The following CFAP43 variants were observed in gnomAD, a reference collection of about 807,000 sequenced individuals.
CFAP43 encodes the protein cilia- and flagella-associated protein 43.
A neutral mutation model predicts 218.9 loss-of-function variants in CFAP43; 155 were observed. That is an observed-to-expected ratio of 0.71 (90% CI 0.62 to 0.81). The LOEUF (loss-of-function observed/expected upper bound fraction) is 0.81, where lower values mean the gene tolerates loss of function less well. CFAP43 is among the 30% of genes least tolerant of loss of function. The pLI, the probability that CFAP43 is intolerant of heterozygous loss-of-function variation, is 0.00. For synonymous variants in CFAP43, 645 were observed against 681.3 expected, an observed-to-expected ratio of 0.95 and a Z score of 0.83; for missense variants, 1,778 against 1,954.3, an observed-to-expected ratio of 0.91 and a Z score of 1.70.
At position 104,143,361 on chromosome 10, in the gene CFAP43, C is replaced by T. The variant is rs975049387; in HGVS notation, c.4158+65G>A. 2.1e-6 allele frequency: 3 copies of T among 1,403,932 alleles called. No individual in the cohort carries two copies. In the African/African-American group the frequency reaches 4.4e-5, roughly 20 times the overall value. The allele number at this position is 1,403,932 out of a possible 1,614,324, so 87.0% of individuals were successfully genotyped here. On this transcript the variant is annotated intron_variant, in intron 32 of 37. Transcript: ENST00000357060. ...TAATTAGCTTTTTTGGTTACACTGACCAATGTAAACTATGTATTTGATATT... is the reference window on the plus strand; with the variant it reads ...TAATTAGCTTTTTTGGTTACACTGATCAATGTAAACTATGTATTTGATATT...
At chr10:104,174,813 T>C (rs775514007) in intron 19 of CFAP43, among the ~76,000 whole-genome samples, 1 of 151,956 alleles carries the variant, frequency 6.6e-6, no homozygotes, top group African/African-American at 2.4e-5. Context: ...CCCAGCACTT[T>C]GGGAGGCCGA....
intron 7 of CFAP43, among the ~76,000 whole-genome samples, 182 bp from the exon 8 acceptor site, chr10:104,203,985 T>A (rs1051832513): frequency 6.6e-6 from 1 of 152,216 alleles, no homozygotes; most frequent in African/African-American, 2.4e-5. Context: ...TGTTCCCTGG[T>A]CAAGCTTCAG....
intron 8 of CFAP43, among the ~76,000 whole-genome samples, chr10:104,198,478 A>G (rs2090439966): frequency 6.6e-6 from 1 of 151,624 alleles, no homozygotes. Flanking sequence ...ACAGGGTTTC[A>G]ACATGTTGGT....
intron 27 of CFAP43, 141 bp downstream of exon 27, chr10:104,160,896 T>C (rs2088833854): frequency 1.2e-6 from 1 of 805,906 alleles, no homozygotes; most frequent in Non-Finnish European, 1.8e-6. Flanking sequence ...CTCCACTTAC[T>C]TCTCCAAATT....
At chr10:104,206,168 A>G (rs943250232) in intron 6 of CFAP43, 138 bp from the exon 7 acceptor site, 40 of 651,950 alleles carry the variant, frequency 6.1e-5, no homozygotes, top group Non-Finnish European at 9.9e-5. Context: ...CTATGTAACT[A>G]ACATAGATGC....
At position 104,187,421 on chromosome 10, in the gene CFAP43, C is replaced by T. The variant is rs1329866252; in HGVS notation, c.1759G>A (p.Glu587Lys). Reference protein sequence around the residue: ...EIIHKYLYELEHALSSAVLGF... With the variant: ...EIIHKYLYELKHALSSAVLGF... The stretch of plus-strand genomic sequence containing the variant: ...AAGACTGCAGAGGACAGAGCGTGCT[C>T]CAACTCATACAGGTACTTATGAATG... Residue 587 changes from glutamate to lysine, a missense_variant, in exon 14 of 38, where the codon GAG becomes AAG. Glu to Lys is a moderately conservative substitution (Grantham distance 56). Around this residue, in one of 3 missense-constraint regions of CFAP43, gnomAD observed 1,553 missense variants for 1,685.2 expected, o/e 0.92. Transcript: ENST00000357060. The T allele has an allele frequency of 1.9e-6, 3 of 1,609,364 alleles. No homozygotes were observed. In the African/African-American group the frequency reaches 4.0e-5, roughly 22 times the overall value.
intron 3 of CFAP43, among the ~76,000 whole-genome samples, chr10:104,218,609 T>C (rs946598590): frequency 2.6e-5 from 4 of 152,064 alleles, no homozygotes; most frequent in African/African-American, 9.7e-5. Context: ...TTGAGAACCT[T>C]GGTACTAAAG....
intron 19 of CFAP43, among the ~76,000 whole-genome samples, chr10:104,173,707 C>T (rs548839810): frequency 1.3e-5 from 2 of 152,190 alleles, no homozygotes; most frequent in African/African-American, 4.8e-5. Context: ...ACACCACCCA[C>T]CCCTTCACTT....
intron 3 of CFAP43, among the ~76,000 whole-genome samples, chr10:104,216,396 G>A (rs547210141): frequency 6.6e-5 from 10 of 152,250 alleles, no homozygotes; most frequent in South Asian, 2.1e-4. Context: ...CCTTGACCCC[G>A]TCTTCTGCCT....
chr10:104,175,882 G>A (rs1288874197), intron 19 of CFAP43, among the ~76,000 whole-genome samples: 1 of 152,158 alleles, frequency 6.6e-6, no homozygotes. Context: ...ATATTCTTCA[G>A]TAAAGTTTTA....
rs368404211 is a variant in CFAP43, at chr10:104,179,884, C to T, written c.2338G>A (p.Asp780Asn). The T allele has an allele frequency of 8.1e-6, 13 of 1,613,630 alleles. No homozygotes were observed. The highest frequency in any genetic ancestry group is 1.1e-5 in the South Asian group (1 of 90,946). The change falls in exon 18 of 38, where the codon GAT (aspartate) becomes AAT (asparagine). Residue 780 changes from aspartate to asparagine, a missense_variant. Coordinates refer to ENST00000357060, the MANE Select transcript of CFAP43 (RefSeq NM_025145.7). The stretch of plus-strand genomic sequence containing the variant: ...ATCCAAGGAATTTCCTTCTTAACAT[C>T]GGTTAGAACTAATTCATCTTGTGAT... ...DLSQDELVLT[D>N]VKKEIPWIQQ...
At chr10:104,208,763 G>C (rs1246841084) in intron 5 of CFAP43, among the ~76,000 whole-genome samples, 1 of 152,102 alleles carries the variant, frequency 6.6e-6, no homozygotes, top group African/African-American at 2.4e-5. Flanking sequence ...GTCTCTAAAA[G>C]AGATTCCTAT....
At chr10:104,193,688 G>C (rs999520684) in intron 11 of CFAP43, 178 bp downstream of exon 11, 9 of 763,626 alleles carry the variant, frequency 1.2e-5, no homozygotes, top group Non-Finnish European at 1.6e-5. Flanking sequence ...ACCTGGGTAT[G>C]GGGGGTACTT....
chr10:104,173,791 T>G (rs766831972), intron 19 of CFAP43, among the ~76,000 whole-genome samples: 5 of 152,198 alleles, frequency 3.3e-5, no homozygotes, highest in Non-Finnish European at 7.3e-5. Flanking sequence ...TGACCTGGTG[T>G]CATGGAACTA....
At position 104,196,978 on chromosome 10, in the gene CFAP43, T is replaced by C. The variant is rs755494151; in HGVS notation, c.1213-45A>G. The C allele has an allele frequency of 1.8e-5, 27 of 1,510,058 alleles. No individual in the cohort carries two copies. In the East Asian group the frequency reaches 6.1e-4, roughly 34 times the overall value. The allele number at this position is 1,510,058 out of a possible 1,614,324, so 93.5% of individuals were successfully genotyped here. A position where few individuals can be genotyped will look rare whatever the true frequency, so the allele number is the denominator to read the frequency against. On this transcript the variant is annotated intron_variant, in intron 9 of 37. Coordinates refer to ENST00000357060, the MANE Select transcript of CFAP43 (RefSeq NM_025145.7). ...AAAACTCTACATGGAAAATAAGACT[T>C]TCCTATGGAAGCATGTTCTACCTCC...
chr10:104,150,766 A>G (rs1175835732), intron 28 of CFAP43, among the ~76,000 whole-genome samples: 11 of 152,154 alleles, frequency 7.2e-5, no homozygotes, highest in Non-Finnish European at 1.5e-4. Context: ...GTTCAGGGGT[A>G]CATATGCATG....
intron 28 of CFAP43, among the ~76,000 whole-genome samples, chr10:104,148,287 G>A (rs1349414283): frequency 6.6e-6 from 1 of 152,212 alleles, no homozygotes; most frequent in Admixed American, 6.5e-5. Context: ...ACCACTTATC[G>A]CAAGAAACAG....
At chr10:104,226,605 T>C (rs961772009) in intron 2 of CFAP43, among the ~76,000 whole-genome samples, 6 of 152,204 alleles carry the variant, frequency 3.9e-5, no homozygotes, top group Admixed American at 3.3e-4. Flanking sequence ...ATAATCCTAC[T>C]ACCAAACTTG....
intron 31 of CFAP43, among the ~76,000 whole-genome samples, chr10:104,144,280 A>G (rs2087847860): frequency 6.6e-6 from 1 of 152,188 alleles, no homozygotes; most frequent in Admixed American, 6.5e-5. Context: ...TGCTTTTCCC[A>G]CTGCTGCGGG....
Sources: gnomAD v4.1 joint callset for allele counts (sites outside exome capture counted in the v4.1 genomes callset) on GRCh38, gnomAD v4.1.1 for gene constraint, gnomAD v4.1.1 regional missense constraint, MANE v1.5 for transcripts, NCBI Gene and HGNC (gene_info 2026-07-23, HGNC 2026-07-21) for gene names.